Variants in GPN1 observed in about 807,000 individuals in gnomAD.
The protein encoded by GPN1 is GPN-loop GTPase 1.
A neutral mutation model predicts 55.9 loss-of-function variants in GPN1; 44 were observed. The observed-to-expected ratio is 0.79, with a 90% CI of 0.62 to 1.01. GPN1 has a LOEUF of 1.01. GPN1 is among the 50% of genes least tolerant of loss of function. The pLI, the probability that GPN1 is intolerant of heterozygous loss-of-function variation, is 0.00. For missense variants in GPN1, 466 were observed against 462.8 expected (o/e 1.01, Z -0.06); for synonymous variants, 179 against 162.5 (o/e 1.10, Z -0.77).
intron 5 of GPN1, 36 bp from the exon 6 acceptor site, chr2:27,634,810 A>G: frequency 1.7e-6 from 2 of 1,150,836 alleles, no homozygotes; most frequent in Non-Finnish European, 2.6e-6. Flanking sequence ...GCATAACACA[A>G]ATGTAACACT....
intron 1 of GPN1, 111 bp from the exon 2 acceptor site, chr2:27,629,747 AG>A: frequency 1.5e-6 from 1 of 686,646 alleles, no homozygotes; most frequent in Non-Finnish European, 2.7e-6. Flanking sequence ...TGGATATTTC[AG>A]GTAGAAGAAA....
At chr2:27,641,305 T>A in intron 11 of GPN1, 26 bp downstream of exon 11, 1 of 1,555,312 alleles carries the variant, frequency 6.4e-7, no homozygotes, top group Non-Finnish European at 8.9e-7. Context: ...GTTTGTATAT[T>A]TTAAAAGGGC....
intron 12 of GPN1, among the ~76,000 whole-genome samples, chr2:27,646,850 A>G (rs1674257820): frequency 6.6e-6 from 1 of 152,148 alleles, no homozygotes; most frequent in Non-Finnish European, 1.5e-5. Flanking sequence ...TGGGTTTACC[A>G]GTTAAGTGTA....
At chr2:27,628,356 A>G (rs1157529493), upstream of GPN1, 7 of 1,516,458 alleles carry the variant, frequency 4.6e-6, no homozygotes, top group Middle Eastern at 1.7e-4. Context: ...ACCTTCAGTG[A>G]CTGGAGGGGA....
intron 3 of GPN1, chr2:27,631,502 G>A (rs6547740): frequency 0.54 from 234,778 of 438,102 alleles, 65,282 homozygotes; most frequent in East Asian, 0.89. Context: ...AGATTGCTTG[G>A]TTTATTTATG....
rs543568465 is a variant in GPN1, at chr2:27,645,429, A to G, written c.932-2407A>G. On this transcript the variant is annotated intron_variant, in intron 12 of 13. Transcript: ENST00000610189. ...TGTCCTTACATGTTCTTCCATATGA[A>G]CTGAGTATCAACTTTATCTAGTTCC... is the stretch of plus-strand genomic sequence containing the variant. Among the ~76,000 whole-genome samples, 23 of 152,280 alleles carry G rather than the reference A, an allele frequency of 1.5e-4. No individual in the cohort carries two copies. In the South Asian group the frequency reaches 4.8e-3, roughly 32 times the overall value.
chr2:27,638,605 A>T (rs1673822111), intron 8 of GPN1, among the ~76,000 whole-genome samples: 1 of 152,138 alleles, frequency 6.6e-6, no homozygotes, highest in African/African-American at 2.4e-5. Flanking sequence ...GATGCAAGAG[A>T]CCTTTTGACT....
At chr2:27,644,101 G>A (rs77371023) in intron 12 of GPN1, among the ~76,000 whole-genome samples, 2 of 152,078 alleles carry the variant, frequency 1.3e-5, no homozygotes, top group Non-Finnish European at 2.9e-5. Context: ...CTTGAACCCG[G>A]GAGGCAGAAG....
At chr2:27,640,459 GTCC>G (rs994284339) in intron 10 of GPN1, among the ~76,000 whole-genome samples, 5 of 152,198 alleles carry the variant, frequency 3.3e-5, no homozygotes, top group African/African-American at 4.8e-5. Flanking sequence ...GGACAAAAGC[GTCC>G]TCAGACAATT....
intron 2 of GPN1, among the ~76,000 whole-genome samples, chr2:27,630,227 C>T (rs977257170): frequency 1.3e-5 from 2 of 152,044 alleles, no homozygotes; most frequent in African/African-American, 4.8e-5. Flanking sequence ...GCAGAGGTTG[C>T]AGTGAGCCAA....
intron 7 of GPN1, among the ~76,000 whole-genome samples, chr2:27,637,665 T>A (rs1028717234): frequency 2.0e-5 from 3 of 152,218 alleles, no homozygotes; most frequent in African/African-American, 4.8e-5. Flanking sequence ...AAAGTGCTTA[T>A]TAGCACAGTG....
intron 12 of GPN1, among the ~76,000 whole-genome samples, chr2:27,644,140 A>G (rs1407613598): frequency 6.6e-6 from 1 of 152,172 alleles, no homozygotes; most frequent in Non-Finnish European, 1.5e-5. Context: ...GCGCCACTGC[A>G]CTCCAGCCTG....
Position 27,643,166 on chromosome 2 carries a change from CCCT to C in GPN1, c.931+652_931+654del, listed in dbSNP as rs1271759068. Among the ~76,000 whole-genome samples the C allele has an allele frequency of 1.3e-5, 2 of 149,966 alleles. No homozygotes were observed. Among genetic ancestry groups the C allele is most frequent in the African/African-American group, 2.4e-5 (1 of 41,032 alleles). Reference sequence around the variant, plus strand: ...TTTTGTTTGTTTCTAACACTTTTAACCCTCCTCAATTTTTTTTATAATTAAAAA... The same window carrying C: ...TTTTGTTTGTTTCTAACACTTTTAACCCTCAATTTTTTTTATAATTAAAAA... On this transcript the variant is annotated intron_variant, in intron 12 of 13. Coordinates refer to ENST00000610189, the MANE Select transcript of GPN1 (RefSeq NM_007266.4). The surrounding 1 kb of genome is among the most constrained non-coding windows in gnomAD (Gnocchi z 4.0).
chr2:27,646,234 G>A (rs1674223146), intron 12 of GPN1, among the ~76,000 whole-genome samples: 2 of 152,156 alleles, frequency 1.3e-5, no homozygotes, highest in South Asian at 4.2e-4. Context: ...TAGAGACAGG[G>A]TTTTGCCATG....
chr2:27,650,887 A>G lies in GPN1; in HGVS notation c.*687A>G, dbSNP rs1431832573. ...GCTTGTCATGATTTCAAATTAGAAAATTATATAATTGCAAACAGCTTCACT... is the reference window on the plus strand; with the variant it reads ...GCTTGTCATGATTTCAAATTAGAAAGTTATATAATTGCAAACAGCTTCACT... On this transcript the variant is annotated 3_prime_UTR_variant, in exon 14 of 14. Coordinates refer to ENST00000610189, the MANE Select transcript of GPN1 (RefSeq NM_007266.4). The G allele has an allele frequency of 6.5e-6, 1 of 152,808 alleles. No homozygotes were observed. The highest frequency in any genetic ancestry group is 1.5e-5 in the Non-Finnish European group (1 of 68,034). The allele number at this position is 152,808 out of a possible 1,614,324, so 9.5% of individuals were successfully genotyped here.
intron 10 of GPN1, among the ~76,000 whole-genome samples, chr2:27,640,653 T>A (rs949542436): frequency 6.6e-6 from 1 of 152,234 alleles, no homozygotes; most frequent in African/African-American, 2.4e-5. Flanking sequence ...TTGTTAATAC[T>A]GGAATTCAAG....
chr2:27,635,070 T>C (rs1673679321), intron 6 of GPN1, 70 bp from the exon 7 acceptor site: 1 of 1,060,702 alleles, frequency 9.4e-7, no homozygotes, highest in African/African-American at 1.6e-5. Flanking sequence ...TTGTTAAGGA[T>C]GGTGGAAAAA....
intron 1 of GPN1, 81 bp downstream of exon 1, chr2:27,629,250 A>AGCCCTT: frequency 6.5e-7 from 1 of 1,540,500 alleles, no homozygotes; most frequent in Non-Finnish European, 8.9e-7. Flanking sequence ...AAAGGGAGGG[A>AGCCCTT]AGAGGATTTG....
chr2:27,631,967 G>A (rs1270136497), intron 4 of GPN1, 67 bp downstream of exon 4: 1 of 898,934 alleles, frequency 1.1e-6, no homozygotes, highest in East Asian at 2.4e-5. Flanking sequence ...TCCTTAGCTT[G>A]ATCACATTGG....
Sources: allele counts gnomAD v4.1 joint callset (sites outside exome capture counted in the v4.1 genomes callset), GRCh38; gene constraint gnomAD v4.1.1; non-coding constraint Gnocchi (gnomAD v3.1); transcripts MANE v1.5; gene names NCBI Gene and HGNC (gene_info 2026-07-23, HGNC 2026-07-21).